Variants in ZNF761 observed in about 807,000 individuals in gnomAD.
The protein encoded by ZNF761 is zinc finger protein 761.
A neutral mutation model predicts 59.9 loss-of-function variants in ZNF761; 43 were observed. That is an observed-to-expected ratio of 0.72 (90% confidence interval 0.56 to 0.92). The LOEUF (loss-of-function observed/expected upper bound fraction) is 0.92. ZNF761 is among the 40% of genes least tolerant of loss of function. The pLI is 0.00. For synonymous variants in ZNF761, 294 were observed against 304.8 expected, an observed-to-expected ratio of 0.96 and a Z score of 0.37; for missense variants, 850 against 906.1, an observed-to-expected ratio of 0.94 and a Z score of 0.79.
rs749030742 is a variant in ZNF761, at chr19:53,449,567, G to A, written c.71G>A (p.Cys24Tyr). The A allele has an allele frequency of 6.2e-7, 1 of 1,613,654 alleles. No homozygotes were observed. The highest frequency in any genetic ancestry group is 2.2e-5 in the East Asian group (1 of 44,880). Residue 24 changes from cysteine (C) to tyrosine (Y), a missense_variant, in exon 4 of 5, where the codon TGC (cysteine) becomes TAC (tyrosine). Coordinates refer to ENST00000684525, the MANE Select transcript of ZNF761 (RefSeq NM_001289951.2). ...AIEFSQEEWK[C>Y]LDPAQRTLYR... ...GAATTCTCTCAGGAGGAGTGGAAAT[G>A]CCTGGACCCTGCTCAGAGGACTCTA...
chr19:53,441,692 T>C (rs4803123), intron 1 of ZNF761: 356,901 of 509,380 alleles, frequency 0.7, 127,350 homozygotes, highest in South Asian at 0.77. Flanking sequence ...GGTGATCCAC[T>C]CGCCTTGGCC....
intron 1 of ZNF761, among the ~76,000 whole-genome samples, chr19:53,439,225 C>T (rs1446986197): frequency 1.4e-5 from 2 of 147,026 alleles, no homozygotes; most frequent in Non-Finnish European, 3.0e-5. Context: ...GAGCTGAGAT[C>T]GTGCCACTAC....
chr19:53,446,664 A>C (rs2086163360), intron 2 of ZNF761, among the ~76,000 whole-genome samples: 1 of 151,778 alleles, frequency 6.6e-6, no homozygotes, highest in Non-Finnish European at 1.5e-5. Context: ...TAAGCCACCA[A>C]GCCTGGCTCA....
At chr19:53,432,201 C>T (rs537506953) in intron 1 of ZNF761, among the ~76,000 whole-genome samples, 173 bp downstream of exon 1, 15 of 152,336 alleles carry the variant, frequency 9.8e-5, no homozygotes, top group African/African-American at 3.6e-4. Flanking sequence ...GGTTTAAGGT[C>T]CCCCTGAGGC....
chr19:53,439,036 G>T (rs761780024), intron 1 of ZNF761, among the ~76,000 whole-genome samples: 1 of 152,008 alleles, frequency 6.6e-6, no homozygotes, highest in African/African-American at 2.4e-5. Flanking sequence ...CACTTTGGGC[G>T]GCCACATGGC....
rs2086273162 is a variant in ZNF761 at position 53,456,495 on chromosome 19, A to G, written c.1988A>G (p.Lys663Arg). The G allele has an allele frequency of 1.2e-6, 2 of 1,614,092 alleles. No homozygotes were observed. The highest frequency in any genetic ancestry group is 1.7e-6 in the Non-Finnish European group (2 of 1,179,970). Residue 663 changes from lysine to arginine, a missense_variant, in exon 5 of 5, where the codon AAG becomes AGG. Lys to Arg is a conservative substitution (Grantham distance 26). Transcript: ENST00000684525. ...RRIHTGEKPY[K>R]CNECGKTFSR... ...ATTCATACTGGAGAGAAACCTTACA[A>G]GTGTAATGAGTGTGGCAAGACCTTT...
In ZNF761 at chr19:53,457,578, CAATGAGTAGAGCAAACCATCAAGCATT is replaced by C. The variant is rs142938236; in HGVS notation, c.*834_*860del. ...ATTTTGGAGGTAGTTGGTCCATATGCAATGAGTAGAGCAAACCATCAAGCATTAATTGACATTAGGGTCAATTCAGCA... is the reference window on the plus strand; with the variant it reads ...ATTTTGGAGGTAGTTGGTCCATATGCAATTGACATTAGGGTCAATTCAGCA... On this transcript the variant is annotated 3_prime_UTR_variant, in exon 5 of 5. Coordinates refer to ENST00000684525, the MANE Select transcript of ZNF761 (RefSeq NM_001289951.2). The C allele has an allele frequency of 0.034, 11,102 of 330,286 alleles. 303 individuals are homozygous for C. Among genetic ancestry groups the C allele is most frequent in the East Asian group, 0.13 (1,366 of 10,574 alleles). 20.5% of individuals were successfully genotyped at this position (330,286 alleles called of 1,614,324 possible).
chr19:53,449,258 A>T (rs1411588415), intron 3 of ZNF761, among the ~76,000 whole-genome samples: 3 of 152,004 alleles, frequency 2.0e-5, no homozygotes, highest in African/African-American at 7.2e-5. Context: ...TGATCCTAGG[A>T]GGTGGAGGTT....
intron 3 of ZNF761, among the ~76,000 whole-genome samples, chr19:53,449,054 G>A (rs1188436261): frequency 1.3e-5 from 2 of 152,110 alleles, no homozygotes; most frequent in African/African-American, 2.4e-5. Context: ...TTTCTGGGCC[G>A]GGCGCGGTGG....
intron 1 of ZNF761, among the ~76,000 whole-genome samples, chr19:53,439,798 T>C (rs1329604834): frequency 2.0e-5 from 3 of 152,148 alleles, no homozygotes; most frequent in Non-Finnish European, 4.4e-5. Context: ...TAAAATCTTA[T>C]GTTTATAGAG....
intron 3 of ZNF761, among the ~76,000 whole-genome samples, chr19:53,449,136 C>A (rs6509775): frequency 0.1 from 15,883 of 151,974 alleles, 1,375 homozygotes; most frequent in African/African-American, 0.23. Context: ...TTGAGACCAA[C>A]CTGGCTATTA....
At chr19:53,453,322 G>C (rs1415416642) in intron 4 of ZNF761, among the ~76,000 whole-genome samples, 1 of 152,064 alleles carries the variant, frequency 6.6e-6, no homozygotes, top group African/African-American at 2.4e-5. Context: ...TTATAATGCT[G>C]TGCACTTCTT....
chr19:53,449,416 C>A, intron 3 of ZNF761, 96 bp from the exon 4 acceptor site: 3 of 1,601,786 alleles, frequency 1.9e-6, no homozygotes, highest in Non-Finnish European at 2.6e-6. Context: ...ACATTCACTG[C>A]ATTTAAATCC....
At chr19:53,432,636 C>T (rs890362582) in intron 1 of ZNF761, among the ~76,000 whole-genome samples, 3 of 152,172 alleles carry the variant, frequency 2.0e-5, no homozygotes, top group African/African-American at 4.8e-5. Context: ...AGGCGTCTTA[C>T]TCCAAACCCT....
Position 53,455,721 on chromosome 19 carries a change from C to T in ZNF761, c.1214C>T (p.Thr405Ile), listed in dbSNP as rs368880934. Reference sequence around the variant, plus strand: ...CTTACATGCCATCGTAGACTTCATACTGGAGAGAAACCTTACAAATGTGAA... The same window carrying T: ...CTTACATGCCATCGTAGACTTCATATTGGAGAGAAACCTTACAAATGTGAA... ...SSLTCHRRLH[T>I]GEKPYKCEEC... The change falls in exon 5 of 5, where the codon ACT becomes ATT. Residue 405 changes from threonine to isoleucine, a missense_variant. Transcript: ENST00000684525. 2.2e-5 allele frequency: 35 copies of T among 1,613,728 alleles called. No homozygotes were observed. The highest frequency in any genetic ancestry group is 3.0e-5 in the Non-Finnish European group (35 of 1,179,960).
intron 4 of ZNF761, chr19:53,450,100 C>T (rs1286979250): frequency 8.2e-5 from 26 of 315,578 alleles, no homozygotes; most frequent in South Asian, 5.3e-4. Context: ...GTCAGGCGAT[C>T]GAGACCAGCC....
chr19:53,449,147 C>T (rs113088953), intron 3 of ZNF761, among the ~76,000 whole-genome samples: 15,865 of 151,842 alleles, frequency 0.1, 1,371 homozygotes, highest in African/African-American at 0.23. Flanking sequence ...CTGGCTATTA[C>T]GGTGAAACCC....
intron 1 of ZNF761, among the ~76,000 whole-genome samples, chr19:53,433,845 A>G (rs2086005420): frequency 6.6e-6 from 1 of 152,078 alleles, no homozygotes; most frequent in Non-Finnish European, 1.5e-5. Flanking sequence ...ACCAGCCTCT[A>G]AAGACGGACT....
At chr19:53,444,690 A>G (rs1370017959) in intron 1 of ZNF761, 3 of 152,100 alleles carry the variant, frequency 2.0e-5, no homozygotes, top group African/African-American at 7.2e-5. Flanking sequence ...TCTGTGTCTT[A>G]TTTCTTTTCT....
Sources: allele counts gnomAD v4.1 joint callset (sites outside exome capture counted in the v4.1 genomes callset), GRCh38; gene constraint gnomAD v4.1.1; transcripts MANE v1.5; gene names NCBI Gene and HGNC (gene_info 2026-07-23, HGNC 2026-07-21).